The following SH3PXD2B variants were observed in gnomAD, a reference collection of about 807,000 sequenced individuals.
The protein encoded by SH3PXD2B is SH3 and PX domains 2B, also known as SH3 and PX domain-containing protein 2B.
Under a neutral mutation model 73.1 loss-of-function variants are expected in SH3PXD2B, and 37 were observed. The ratio of observed to expected loss-of-function variants is 0.51; its 90% confidence interval spans 0.39 to 0.67. The LOEUF (loss-of-function observed/expected upper bound fraction) is 0.67, where lower values mean the gene tolerates loss of function less well. SH3PXD2B is among the 30% of genes least tolerant of loss of function. SH3PXD2B has a pLI of 0.00. For synonymous variants in SH3PXD2B, 457 were observed against 480.5 expected (o/e 0.95, Z 0.64); for missense variants, 1,053 against 1,197.8 (o/e 0.88, Z 1.78).
chr5:172,373,842 A>G, intron 5 of SH3PXD2B, 27 bp from the exon 6 acceptor site: 1 of 1,613,536 alleles, frequency 6.2e-7, no homozygotes, highest in Non-Finnish European at 8.5e-7. Flanking sequence ...GGGGGTGGGA[A>G]GAGTAACGAG....
intron 8 of SH3PXD2B, 114 bp from the exon 9 acceptor site, chr5:172,354,119 G>A: frequency 9.6e-7 from 1 of 1,041,106 alleles, no homozygotes; most frequent in South Asian, 1.3e-5. Context: ...GAGATTTCTG[G>A]GCACCCCCCC....
chr5:172,411,720 C>T (rs1198780123), intron 2 of SH3PXD2B, among the ~76,000 whole-genome samples: 1 of 152,106 alleles, frequency 6.6e-6, no homozygotes, highest in African/African-American at 2.4e-5. Flanking sequence ...ATCCCCGCTC[C>T]TTACACTCTG....
chr5:172,411,176 G>A (rs1033219509), intron 2 of SH3PXD2B, among the ~76,000 whole-genome samples: 1 of 151,598 alleles, frequency 6.6e-6, no homozygotes, highest in Admixed American at 6.6e-5. Flanking sequence ...AATTTTATTT[G>A]TTAAGACAAT....
chr5:172,346,098 G>T (rs373361777), intron 12 of SH3PXD2B, 38 bp downstream of exon 12: 74 of 1,613,432 alleles, frequency 4.6e-5, no homozygotes, highest in Non-Finnish European at 5.8e-5. Flanking sequence ...CTGGAATCAG[G>T]AATCACAAGT....
intron 7 of SH3PXD2B, among the ~76,000 whole-genome samples, chr5:172,361,159 G>A (rs952082364): frequency 4.6e-5 from 7 of 152,050 alleles, no homozygotes; most frequent in African/African-American, 1.4e-4. Flanking sequence ...ATGTATGAAT[G>A]AGTACCTGTG....
chr5:172,361,445 C>A (rs1757402135), intron 7 of SH3PXD2B, among the ~76,000 whole-genome samples: 1 of 152,194 alleles, frequency 6.6e-6, no homozygotes, highest in South Asian at 2.1e-4. Context: ...CTCACCCTCT[C>A]CCTTCTTCTT....
At chr5:172,451,077 C>T (rs1056397774) in intron 1 of SH3PXD2B, among the ~76,000 whole-genome samples, 5 of 152,216 alleles carry the variant, frequency 3.3e-5, no homozygotes, top group South Asian at 2.1e-4. Context: ...TCTCTGCCTG[C>T]GGGTGACTGA....
chr5:172,327,293 C>T (rs1756464725), intron 12 of SH3PXD2B, among the ~76,000 whole-genome samples: 1 of 152,180 alleles, frequency 6.6e-6, no homozygotes, highest in Admixed American at 6.5e-5. Flanking sequence ...GAGAAAGGCA[C>T]TATTGTCCCT....
At chr5:172,419,413 C>G (rs1214435181) in intron 2 of SH3PXD2B, among the ~76,000 whole-genome samples, 1 of 152,124 alleles carries the variant, frequency 6.6e-6, no homozygotes, top group East Asian at 1.9e-4. Context: ...GAACTATGAT[C>G]CAGGGCCCTT....
chr5:172,366,145 G>A (rs529860475), intron 6 of SH3PXD2B, among the ~76,000 whole-genome samples: 9 of 152,282 alleles, frequency 5.9e-5, no homozygotes, highest in Non-Finnish European at 1.3e-4. Context: ...GTGGGGTCAG[G>A]GAGTGGCTGT....
At chr5:172,436,325 T>G (rs1313716404) in intron 1 of SH3PXD2B, among the ~76,000 whole-genome samples, 1 of 152,226 alleles carries the variant, frequency 6.6e-6, no homozygotes, top group East Asian at 1.9e-4. Flanking sequence ...GGCTCTTCTG[T>G]GTATGCTACA....
At chr5:172,454,102 G>T (rs1360962141) in intron 1 of SH3PXD2B, among the ~76,000 whole-genome samples, 176 bp downstream of exon 1, 1 of 150,022 alleles carries the variant, frequency 6.7e-6, no homozygotes, top group Non-Finnish European at 1.5e-5. Flanking sequence ...GGAGGGGAGG[G>T]GAGGGAGGGA....
At chr5:172,422,939 C>T (rs960374380) in intron 1 of SH3PXD2B, among the ~76,000 whole-genome samples, 3 of 152,288 alleles carry the variant, frequency 2.0e-5, no homozygotes, top group African/African-American at 4.8e-5. Context: ...TCTCCACCGA[C>T]GAGGACCTAG....
chr5:172,351,908 A>T (rs1757165264), intron 9 of SH3PXD2B, among the ~76,000 whole-genome samples: 1 of 152,156 alleles, frequency 6.6e-6, no homozygotes, highest in Admixed American at 6.6e-5. Flanking sequence ...GGCTGTATAT[A>T]ACCCACACGC....
intron 1 of SH3PXD2B, among the ~76,000 whole-genome samples, chr5:172,440,607 C>T (rs1161547049): frequency 3.9e-5 from 6 of 152,208 alleles, no homozygotes; most frequent in African/African-American, 1.4e-4. Flanking sequence ...CAAACCCGAG[C>T]TCCCACTTAG....
At chr5:172,427,985 C>T (rs1759140236) in intron 1 of SH3PXD2B, among the ~76,000 whole-genome samples, 1 of 152,010 alleles carries the variant, frequency 6.6e-6, no homozygotes, top group African/African-American at 2.4e-5. Context: ...ACTATCTTGG[C>T]CAGGCTGGTC....
Position 172,454,488 on chromosome 5 carries a change from G to GCCGCCACCGCCGCCGCCGCCA in SH3PXD2B, c.-137_-136insTGGCGGCGGCGGCGGTGGCGG, listed in dbSNP as rs1554088896. The GCCGCCACCGCCGCCGCCGCCA allele has an allele frequency of 8.4e-6, 2 of 237,158 alleles. No homozygotes were observed. Among genetic ancestry groups the GCCGCCACCGCCGCCGCCGCCA allele is most frequent in the African/African-American group, 4.7e-5 (2 of 42,404 alleles). 14.7% of individuals were successfully genotyped at this position (237,158 alleles called of 1,614,324 possible). A position where few individuals can be genotyped will look rare whatever the true frequency, so the allele number is the denominator to read the frequency against. On this transcript the variant is annotated 5_prime_UTR_variant, in exon 1 of 13. Transcript: ENST00000311601. ...CAGCCGGGGCCGAGCACGAGCCGCC[G>GCCGCCACCGCCGCCGCCGCCA]CCGCCACCGCCGCCGCCCTTCGCTC... is the stretch of plus-strand genomic sequence containing the variant.
Position 172,358,787 on chromosome 5 carries a change from A to C in SH3PXD2B, c.653T>G (p.Leu218Arg). The C allele has an allele frequency of 6.2e-7, 1 of 1,612,960 alleles. No individual in the cohort carries two copies. The highest frequency in any genetic ancestry group is 8.5e-7 in the Non-Finnish European group (1 of 1,179,612). Residue 218 changes from leucine (L) to arginine (R), a missense_variant, in exon 8 of 13, where the codon CTG (leucine) becomes CGG (arginine). Leu to Arg is a moderately radical substitution (Grantham distance 102). Around this residue, in one of 2 missense-constraint regions of SH3PXD2B, gnomAD observed 466 missense variants for 607.1 expected, o/e 0.77. Coordinates refer to ENST00000311601, the MANE Select transcript of SH3PXD2B (RefSeq NM_001017995.3). ...CTCCTCCCTACCTTCTTCAGGCTGC[A>C]GAGAAAACTCATCCTGCACCCCATC... is the stretch of plus-strand genomic sequence containing the variant. Reference protein sequence around the residue: ...GQDGVQDEFSLQPEEEEKYTV... With the variant: ...GQDGVQDEFSRQPEEEEKYTV...
chr5:172,354,579 A>C (rs1757231614), intron 8 of SH3PXD2B, among the ~76,000 whole-genome samples: 1 of 152,168 alleles, frequency 6.6e-6, no homozygotes, highest in Admixed American at 6.5e-5. Context: ...GCTCACACAG[A>C]GGAGGTTAAG....
Sources: allele counts gnomAD v4.1 joint callset (sites outside exome capture counted in the v4.1 genomes callset), GRCh38; gene constraint gnomAD v4.1.1; regional missense constraint gnomAD v4.1.1; transcripts MANE v1.5; gene names NCBI Gene and HGNC (gene_info 2026-07-23, HGNC 2026-07-21).